Variants in CDH9 observed in about 807,000 individuals in gnomAD.
CDH9 encodes the protein cadherin-9.
CDH9 carries 28 observed loss-of-function variants against 70.9 expected under a neutral mutation model. The ratio of observed to expected loss-of-function variants is 0.40; its 90% CI spans 0.29 to 0.54. The LOEUF is 0.54. Among genes scored for constraint, CDH9 ranks in the 20% least tolerant of loss-of-function variants. The pLI, the probability that CDH9 is intolerant of heterozygous loss-of-function variation, is 0.59. For missense variants in CDH9, 874 were observed against 984.4 expected (o/e 0.89, Z 1.50); for synonymous variants, 409 against 343.1 (o/e 1.19, Z -2.12).
intron 2 of CDH9, among the ~76,000 whole-genome samples, chr5:26,949,449 T>A (rs1741808037): frequency 6.6e-6 from 1 of 152,230 alleles, no homozygotes; most frequent in South Asian, 2.1e-4. Context: ...CAAGGAAGGC[T>A]GCATCTACAA....
chr5:26,930,111 A>C (rs1037914607), intron 2 of CDH9, among the ~76,000 whole-genome samples: 3 of 152,082 alleles, frequency 2.0e-5, no homozygotes, highest in African/African-American at 7.2e-5. Flanking sequence ...GTGCCCCATA[A>C]ATATATCCAC....
intron 1 of CDH9, among the ~76,000 whole-genome samples, chr5:27,012,195 T>C (rs1002918770): frequency 3.3e-5 from 5 of 151,976 alleles, no homozygotes; most frequent in Non-Finnish European, 7.4e-5. Context: ...ATCTCTAGAT[T>C]ACTTAAAATA....
At chr5:26,999,148 G>A (rs572578325) in intron 1 of CDH9, among the ~76,000 whole-genome samples, 2 of 152,204 alleles carry the variant, frequency 1.3e-5, no homozygotes, top group Middle Eastern at 3.4e-3. Flanking sequence ...GGGAGGCTGA[G>A]GCAGGGGAAT....
intron 2 of CDH9, among the ~76,000 whole-genome samples, chr5:26,918,080 G>A (rs1398741864): frequency 2.0e-5 from 3 of 151,794 alleles, no homozygotes; most frequent in Non-Finnish European, 4.4e-5. Context: ...GGATAATCTG[G>A]CCCTGAATTC....
Position 26,881,547 on chromosome 5 carries a change from C to G in CDH9, c.1959G>C (p.Arg653=), listed in dbSNP as rs1378345272. ...CATCGTTGTAGGTCACAATGTTGTC[C>G]CGGACATCGTCTTTTGAAATTATCA... ...EPLIISKDDV[R]DNIVTYNDEG... is the part of the protein sequence containing the mutation. Residue 653 remains arginine (R), a synonymous_variant, in exon 12 of 12, where the codon CGG becomes CGC. Coordinates refer to ENST00000231021, the MANE Select transcript of CDH9 (RefSeq NM_016279.4). 1 of 1,613,594 alleles carries G rather than the reference C, an allele frequency of 6.2e-7. No individual in the cohort carries two copies. Among genetic ancestry groups the G allele is most frequent in the Non-Finnish European group, 8.5e-7 (1 of 1,179,722 alleles).
chr5:27,030,470 CAGGGAA>C (rs1364327088), intron 1 of CDH9, among the ~76,000 whole-genome samples: 1 of 148,568 alleles, frequency 6.7e-6, no homozygotes, highest in Non-Finnish European at 1.5e-5. Flanking sequence ...AATAATGAAC[CAGGGAA>C]AGCAGAAAAG....
At chr5:26,976,391 C>A (rs916271880) in intron 2 of CDH9, among the ~76,000 whole-genome samples, 2 of 152,114 alleles carry the variant, frequency 1.3e-5, no homozygotes, top group African/African-American at 4.8e-5. Context: ...AATACACAGG[C>A]ATATTGATTG....
chr5:26,901,287 T>C (rs1306741618), intron 7 of CDH9, among the ~76,000 whole-genome samples: 1 of 151,914 alleles, frequency 6.6e-6, no homozygotes, highest in Non-Finnish European at 1.5e-5. Flanking sequence ...GTTTAGTGAA[T>C]TATACTGTAA....
chr5:26,996,714 G>A (rs570391735), intron 1 of CDH9, among the ~76,000 whole-genome samples: 5 of 151,276 alleles, frequency 3.3e-5, no homozygotes, highest in Admixed American at 2.6e-4. Flanking sequence ...TCACTAGTTT[G>A]TTAAGCTTAA....
At chr5:26,994,527 G>A (rs937556590) in intron 1 of CDH9, among the ~76,000 whole-genome samples, 10 of 150,660 alleles carry the variant, frequency 6.6e-5, no homozygotes, top group South Asian at 2.1e-4. Flanking sequence ...TTTTTGTTTC[G>A]TTTTGTTTTT....
intron 2 of CDH9, among the ~76,000 whole-genome samples, chr5:26,942,235 T>C (rs35181531): frequency 0.073 from 11,099 of 152,172 alleles, 448 homozygotes; most frequent in Middle Eastern, 0.17. Context: ...TCCTGAGAAC[T>C]CACTCAGTAT....
At chr5:26,890,318 T>C (rs1740635088) in intron 8 of CDH9, 110 bp downstream of exon 8, 1 of 816,972 alleles carries the variant, frequency 1.2e-6, no homozygotes, top group African/African-American at 1.7e-5. Context: ...TTCTCTAAGA[T>C]CTTGCTAAGG....
chr5:26,974,814 T>C (rs1164270824), intron 2 of CDH9, among the ~76,000 whole-genome samples: 1 of 150,060 alleles, frequency 6.7e-6, no homozygotes, highest in African/African-American at 2.4e-5. Context: ...AGTTACCCTT[T>C]TGTGTGTGTG....
intron 1 of CDH9, among the ~76,000 whole-genome samples, chr5:27,035,113 T>C (rs968244436): frequency 6.6e-6 from 1 of 150,418 alleles, no homozygotes; most frequent in African/African-American, 2.4e-5. Flanking sequence ...TATTTTTCTA[T>C]ATTTCCAATT....
chr5:26,906,275 A>T, intron 4 of CDH9, 149 bp from the exon 5 acceptor site: 5 of 646,840 alleles, frequency 7.7e-6, no homozygotes, highest in East Asian at 2.8e-5. Context: ...CCACTTTAAG[A>T]TAATTCACAG....
chr5:26,972,749 T>C (rs1203848773), intron 2 of CDH9, among the ~76,000 whole-genome samples: 3 of 152,140 alleles, frequency 2.0e-5, no homozygotes, highest in African/African-American at 4.8e-5. Context: ...CTGAAAAAAG[T>C]CCTCTGCTCC....
intron 1 of CDH9, among the ~76,000 whole-genome samples, chr5:27,011,774 T>C (rs1742963937): frequency 6.6e-6 from 1 of 152,076 alleles, no homozygotes; most frequent in Non-Finnish European, 1.5e-5. Flanking sequence ...AGTTTTTAAG[T>C]TCTACTTGTA....
intron 2 of CDH9, 44 bp from the exon 3 acceptor site, chr5:26,915,968 A>C (rs767480441): frequency 2.3e-6 from 3 of 1,315,024 alleles, no homozygotes; most frequent in Non-Finnish European, 2.1e-6. Context: ...TATATACATT[A>C]TCATTACATA....
chr5:26,911,340 A>G (rs2111999900), intron 3 of CDH9, among the ~76,000 whole-genome samples: 1 of 152,294 alleles, frequency 6.6e-6, no homozygotes, highest in Admixed American at 6.5e-5. Flanking sequence ...TAAATACTTT[A>G]CCAAACGGCC....
Sources: allele counts gnomAD v4.1 joint callset (sites outside exome capture counted in the v4.1 genomes callset), GRCh38; gene constraint gnomAD v4.1.1; transcripts MANE v1.5; gene names NCBI Gene and HGNC (gene_info 2026-07-23, HGNC 2026-07-21).